The following TNFRSF11A variants were observed in gnomAD, a reference collection of about 807,000 sequenced individuals.
TNFRSF11A encodes tumor necrosis factor receptor superfamily member 11A.
A neutral mutation model predicts 55.7 loss-of-function variants in TNFRSF11A; 32 were observed. That is an observed-to-expected ratio of 0.57 (90% CI 0.43 to 0.77). The LOEUF (loss-of-function observed/expected upper bound fraction) is 0.77. Ranked by LOEUF, TNFRSF11A falls within the 30% of genes least tolerant of loss-of-function variation. The pLI, the probability that TNFRSF11A is intolerant of heterozygous loss-of-function variation, is 0.00. For missense variants in TNFRSF11A, 753 were observed against 809.8 expected, an observed-to-expected ratio of 0.93 and a Z score of 0.85; for synonymous variants, 311 against 331.0, an observed-to-expected ratio of 0.94 and a Z score of 0.65.
rs201948347 is a variant in TNFRSF11A, at chr18:62,369,364, G to A, written c.1447G>A (p.Glu483Lys). Residue 483 changes from glutamate to lysine, a missense_variant, in exon 9 of 10, where the codon GAA becomes AAA. Physicochemically the swap from Glu to Lys is moderately conservative, Grantham distance 56. This residue lies in a region of TNFRSF11A where 567 missense variants were observed against 596.7 expected (regional missense o/e 0.95). Transcript: ENST00000586569. The stretch of plus-strand genomic sequence containing the variant: ...TGGCATGGGCCTTCCCCCTGAAGAA[G>A]AAGCCAGCAGGACGGAGGCCAGAGA... ...AYGMGLPPEE[E>K]ASRTEARDQP... 8.7e-6 allele frequency: 14 copies of A among 1,610,470 alleles called. No homozygotes were observed. The African/African-American group carries it at 1.7e-4, about 20-fold the overall frequency.
intron 8 of TNFRSF11A, 80 bp from the exon 9 acceptor site, chr18:62,368,621 T>C: frequency 7.0e-7 from 1 of 1,437,836 alleles, no homozygotes; most frequent in Non-Finnish European, 9.7e-7. Context: ...GTGTAAACAC[T>C]GTTTTCAGCA....
chr18:62,369,141 G>T lies in TNFRSF11A; in HGVS notation c.1224G>T (p.Leu408=). Residue 408 remains leucine, a synonymous_variant, in exon 9 of 10, where the codon CTG becomes CTT. Coordinates refer to ENST00000586569, the MANE Select transcript of TNFRSF11A (RefSeq NM_003839.4). The part of the protein sequence containing the change: ...GSESCNCTEP[L]CRTDWTPMSS... ...AAAGCTGCAACTGCACTGAGCCCCT[G>T]TGCAGGACTGATTGGACTCCCATGT... is the stretch of plus-strand genomic sequence containing the variant. The T allele has an allele frequency of 2.5e-6, 4 of 1,614,150 alleles. No homozygotes were observed. The highest frequency in any genetic ancestry group is 3.4e-6 in the Non-Finnish European group (4 of 1,180,056).
Position 62,380,165 on chromosome 18 carries a change from G to A in TNFRSF11A, c.1568-4586G>A, listed in dbSNP as rs1400975906. Among the ~76,000 whole-genome samples, 7 of 152,210 alleles carry A rather than the reference G, an allele frequency of 4.6e-5. No individual in the cohort carries two copies. In the South Asian group the frequency reaches 8.3e-4, roughly 18 times the overall value. On this transcript the variant is annotated intron_variant, in intron 9 of 9. Coordinates refer to ENST00000586569, the MANE Select transcript of TNFRSF11A (RefSeq NM_003839.4). Reference sequence around the variant, plus strand: ...CTCTTCAGAGCATAAGACCTTGTGCGGCTGCACAGGCCCATGGCGACCACT... The same window carrying A: ...CTCTTCAGAGCATAAGACCTTGTGCAGCTGCACAGGCCCATGGCGACCACT...
chr18:62,350,500 G>A (rs1310851274), intron 3 of TNFRSF11A, among the ~76,000 whole-genome samples: 1 of 152,054 alleles, frequency 6.6e-6, no homozygotes, highest in African/African-American at 2.4e-5. Flanking sequence ...CACCATGTTA[G>A]CCAGGATGGT....
At chr18:62,337,538 C>T (rs900425034) in intron 1 of TNFRSF11A, among the ~76,000 whole-genome samples, 15 of 152,318 alleles carry the variant, frequency 9.8e-5, no homozygotes, top group African/African-American at 3.1e-4. Context: ...TCCGTCAAGC[C>T]GTGCATGCTT....
chr18:62,384,721 TC>T (rs1911565086), intron 9 of TNFRSF11A, 29 bp from the exon 10 acceptor site: 1 of 1,605,974 alleles, frequency 6.2e-7, no homozygotes, highest in East Asian at 2.2e-5. Context: ...TGACTCACCC[TC>T]CCCGTGTTCT....
At chr18:62,362,205 C>A (rs2145333220) in intron 7 of TNFRSF11A, among the ~76,000 whole-genome samples, 1 of 151,982 alleles carries the variant, frequency 6.6e-6, no homozygotes, top group African/African-American at 2.4e-5. Flanking sequence ...GAAATAAGAA[C>A]CTTCGGTGGG....
chr18:62,358,483 C>A, intron 5 of TNFRSF11A, 142 bp downstream of exon 5: 1 of 796,936 alleles, frequency 1.3e-6, no homozygotes, highest in Non-Finnish European at 2.1e-6. Flanking sequence ...AAAAGTCTGT[C>A]AATTCAGCCT....
chr18:62,375,135 C>T (rs1357201603), intron 9 of TNFRSF11A, among the ~76,000 whole-genome samples: 5 of 150,430 alleles, frequency 3.3e-5, no homozygotes, highest in Non-Finnish European at 7.4e-5. Flanking sequence ...AGGCTAGTCT[C>T]GAACTCCTGA....
intron 9 of TNFRSF11A, among the ~76,000 whole-genome samples, chr18:62,375,478 C>G (rs1910830144): frequency 6.6e-6 from 1 of 152,174 alleles, no homozygotes; most frequent in South Asian, 2.1e-4. Context: ...GCTTTCAAAT[C>G]ATACTTTTGG....
At chr18:62,378,398 G>A (rs9964870) in intron 9 of TNFRSF11A, among the ~76,000 whole-genome samples, 104 of 152,250 alleles carry the variant, frequency 6.8e-4, no homozygotes, top group African/African-American at 2.4e-3. Context: ...TGAGGACTTC[G>A]GCAGAGCAAA....
chr18:62,384,910 C>T lies in TNFRSF11A; in HGVS notation c.1727C>T (p.Ala576Val). ...MGRPVQEETL[A>V]RRDSFAGNGP... ...CGCCCGGTGCAGGAGGAGACCCTGG[C>T]GCGCCGAGACTCCTTCGCGGGGAAC... Residue 576 changes from alanine (A) to valine (V), a missense_variant, in exon 10 of 10, where the codon GCG becomes GTG. Around this residue, in one of 3 missense-constraint regions of TNFRSF11A, gnomAD observed 567 missense variants for 596.7 expected, o/e 0.95. Coordinates refer to ENST00000586569, the MANE Select transcript of TNFRSF11A (RefSeq NM_003839.4). 6.4e-7 allele frequency: 1 copy of T among 1,567,942 alleles called. No homozygotes were observed. The highest frequency in any genetic ancestry group is 8.6e-7 in the Non-Finnish European group (1 of 1,157,680).
intron 9 of TNFRSF11A, among the ~76,000 whole-genome samples, chr18:62,382,078 T>C (rs568599539): frequency 2.0e-5 from 3 of 151,664 alleles, no homozygotes; most frequent in Admixed American, 6.6e-5. Flanking sequence ...TAAGTCTGTA[T>C]GTACTGGCTG....
chr18:62,364,513 G>A (rs1036844119), intron 7 of TNFRSF11A, among the ~76,000 whole-genome samples: 1 of 152,142 alleles, frequency 6.6e-6, no homozygotes, highest in Non-Finnish European at 1.5e-5. Context: ...CCAGAGGAGA[G>A]GTGATCATGG....
At chr18:62,332,091 A>G (rs1429532457) in intron 1 of TNFRSF11A, among the ~76,000 whole-genome samples, 2 of 152,244 alleles carry the variant, frequency 1.3e-5, no homozygotes, top group Non-Finnish European at 2.9e-5. Context: ...AAAAATGAGG[A>G]AGAAAAACTC....
intron 4 of TNFRSF11A, among the ~76,000 whole-genome samples, chr18:62,354,913 C>T (rs1354940352): frequency 4.6e-5 from 7 of 152,090 alleles, no homozygotes; most frequent in Non-Finnish European, 7.4e-5. Context: ...ACCATGCATC[C>T]CCCACCCCAG....
chr18:62,354,645 G>A lies in TNFRSF11A; in HGVS notation c.427+111G>A, dbSNP rs374494707. ...AGCTCCAGGGTGCTAGGCAGCATTG[G>A]AGGAACCTGAGGGATGGGGAAAGGT... On this transcript the variant is annotated intron_variant, in intron 4 of 9. Coordinates refer to ENST00000586569, the MANE Select transcript of TNFRSF11A (RefSeq NM_003839.4). 7.4e-6 allele frequency: 11 copies of A among 1,484,390 alleles called. No individual in the cohort carries two copies. The African/African-American group carries it at 1.5e-4, about 20-fold the overall frequency. The allele number at this position is 1,484,390 out of a possible 1,614,324, so 92.0% of individuals were successfully genotyped here.
At chr18:62,370,715 T>C (rs932538702) in intron 9 of TNFRSF11A, among the ~76,000 whole-genome samples, 1 of 152,238 alleles carries the variant, frequency 6.6e-6, no homozygotes, top group African/African-American at 2.4e-5. Flanking sequence ...AAAGAACTGG[T>C]ATGTTTTCTT....
intron 9 of TNFRSF11A, chr18:62,372,791 A>G (rs560956060): frequency 1.8e-4 from 27 of 152,362 alleles, no homozygotes; most frequent in African/African-American, 5.8e-4. Context: ...ACTAATTTAC[A>G]TAGGATAATG....
Sources: gnomAD v4.1 joint callset for allele counts (sites outside exome capture counted in the v4.1 genomes callset) on GRCh38, gnomAD v4.1.1 for gene constraint, gnomAD v4.1.1 regional missense constraint, MANE v1.5 for transcripts, NCBI Gene and HGNC (gene_info 2026-07-23, HGNC 2026-07-21) for gene names.